Variants in ZDHHC11B observed in about 807,000 individuals in gnomAD.
ZDHHC11B encodes zDHHC palmitoyltransferase 11B (putative).
In ZDHHC11B, 17 loss-of-function variants were observed where a neutral mutation model predicts 42.3. The ratio of observed to expected loss-of-function variants is 0.40; its 90% CI spans 0.27 to 0.60. The LOEUF (loss-of-function observed/expected upper bound fraction) is 0.60. Among genes scored for constraint, ZDHHC11B ranks in the 20% least tolerant of loss-of-function variants. ZDHHC11B has a pLI of 0.41. For missense variants in ZDHHC11B, 262 were observed against 463.2 expected (o/e 0.57, Z 3.99); for synonymous variants, 123 against 193.5 (o/e 0.64, Z 3.02).
At chr5:724,980 G>A (rs537501907) in intron 12 of ZDHHC11B, among the ~76,000 whole-genome samples, 192 of 147,608 alleles carry the variant, frequency 1.3e-3, no homozygotes, top group African/African-American at 4.5e-3. Context: ...TGTTGCTGTT[G>A]GAGCAGCACC....
At chr5:758,772 C>A (rs1474256483) in intron 4 of ZDHHC11B, among the ~76,000 whole-genome samples, 1 of 151,896 alleles carries the variant, frequency 6.6e-6, no homozygotes, top group South Asian at 2.1e-4. Flanking sequence ...AAATCTTTCA[C>A]CGCACACTAG....
At position 751,140 on chromosome 5, in the gene ZDHHC11B, C is replaced by T. The variant is rs1488984498; in HGVS notation, c.621G>A (p.Arg207=). 1 of 1,286,776 alleles carries T rather than the reference C, an allele frequency of 7.8e-7. No individual in the cohort carries two copies. The highest frequency in any genetic ancestry group is 2.3e-4 in the Middle Eastern group (1 of 4,314). The allele number at this position is 1,286,776 out of a possible 1,614,324, so 79.7% of individuals were successfully genotyped here. A position where few individuals can be genotyped will look rare whatever the true frequency, so the allele number is the denominator to read the frequency against. ...AGAGCGGCGGCCACGTACCTTCATA[C>T]CTGGGGTCCGTGCGGAGCACCCTGG... The part of the protein sequence containing the change: ...VNPRVLRTDP[R]YEDVKNMNTW... Residue 207 remains arginine, a synonymous_variant, in exon 7 of 14, where the codon AGG becomes AGA. Coordinates refer to ENST00000508859, the MANE Select transcript of ZDHHC11B (RefSeq NM_001351303.2).
chr5:757,423 C>G lies in ZDHHC11B; in HGVS notation c.223-1279G>C, dbSNP rs117074764. Among the ~76,000 whole-genome samples, 6 of 152,066 alleles carry G rather than the reference C, an allele frequency of 3.9e-5. 1 individual carries two copies. Among genetic ancestry groups the G allele is most frequent in the Admixed American group, 3.3e-4 (5 of 15,268 alleles). On this transcript the variant is annotated intron_variant, in intron 4 of 13. Coordinates refer to ENST00000508859, the MANE Select transcript of ZDHHC11B (RefSeq NM_001351303.2). The stretch of plus-strand genomic sequence containing the variant: ...GCCAGGGGGCTGCTGTCCCTCCTGA[C>G]AGAGCCCCTCTCTGGAGCCCCCTCA...
chr5:751,829 G>T (rs1745812583), intron 6 of ZDHHC11B, among the ~76,000 whole-genome samples: 1 of 121,568 alleles, frequency 8.2e-6, no homozygotes. Flanking sequence ...AATTCAGGCA[G>T]TGCTTCTTGC....
chr5:751,696 C>A (rs1745784396), intron 6 of ZDHHC11B, among the ~76,000 whole-genome samples: 1 of 128,332 alleles, frequency 7.8e-6, no homozygotes, highest in African/African-American at 2.5e-5. Context: ...AAACCCTGCT[C>A]CCGACCATGC....
chr5:766,928 C>A lies in ZDHHC11B; in HGVS notation c.1-9G>T, dbSNP rs751353069. The A allele has an allele frequency of 1.2e-5, 19 of 1,610,622 alleles. No individual in the cohort carries two copies. The Admixed American group carries it at 1.3e-4, about 11-fold the overall frequency. ...CCGGAGCGGGTGTCCATCTGCAGGA[C>A]ACAGAAGGGGAGGACCTGCGCCATC... On this transcript the variant is annotated splice_polypyrimidine_tract_variant and intron_variant, in intron 3 of 13. Transcript: ENST00000508859.
At position 754,178 on chromosome 5, in the gene ZDHHC11B, ACATCTCT is replaced by A. The variant is rs1579365512; in HGVS notation, c.503+813_503+819del. On this transcript the variant is annotated intron_variant, in intron 6 of 13. Transcript: ENST00000508859. ...TGAGCCTCCACCATGCTCAGGGGAA[ACATCTCT>A]CGTCTATGAGCCTCCACCATGCTCA... Among the ~76,000 whole-genome samples the A allele has an allele frequency of 1.2e-4, 13 of 112,582 alleles. No individual in the cohort carries two copies. The East Asian group carries it at 4.7e-3, about 41-fold the overall frequency. The allele number at this position is 112,582 out of a possible 152,430, so 73.9% of individuals were successfully genotyped here.
chr5:767,553 A>G (rs1269577483), intron 2 of ZDHHC11B, 29 bp from the exon 3 acceptor site: 33 of 1,393,406 alleles, frequency 2.4e-5, no homozygotes, highest in African/African-American at 2.0e-4. Flanking sequence ...AGAGAGCATC[A>G]CTGGACTCAC....
intron 4 of ZDHHC11B, among the ~76,000 whole-genome samples, chr5:759,942 G>A (rs1579396581): frequency 1.3e-5 from 2 of 151,904 alleles, no homozygotes; most frequent in South Asian, 2.1e-4. Context: ...TCGCTGAGGT[G>A]CAGGCATGGG....
At position 717,950 on chromosome 5, in the gene ZDHHC11B, G is replaced by T. The variant is rs1354579793; in HGVS notation, c.1059-1085C>A. Among the ~76,000 whole-genome samples, 19 of 151,822 alleles carry T rather than the reference G, an allele frequency of 1.3e-4. 1 individual carries two copies. The highest frequency in any genetic ancestry group is 2.5e-4 in the Non-Finnish European group (17 of 67,994). On this transcript the variant is annotated intron_variant, in intron 12 of 13. Coordinates refer to ENST00000508859, the MANE Select transcript of ZDHHC11B (RefSeq NM_001351303.2). ...GTCTGCCACCAGATTATTGCAGGGG[G>T]AGCAGTAGTCTTGGTAGACACAGAG...
At chr5:717,018 T>A (rs1299257640) in intron 12 of ZDHHC11B, among the ~76,000 whole-genome samples, 153 bp from the exon 13 acceptor site, 2 of 151,884 alleles carry the variant, frequency 1.3e-5, no homozygotes, top group Non-Finnish European at 2.9e-5. Flanking sequence ...TTTCAGAGCC[T>A]TCATTTTTGT....
intron 6 of ZDHHC11B, among the ~76,000 whole-genome samples, chr5:753,110 C>A (rs57656793): frequency 2.5e-5 from 3 of 122,354 alleles, no homozygotes; most frequent in African/African-American, 5.5e-5. Flanking sequence ...AGGACACCAG[C>A]GCCGCCTGCC....
At chr5:754,504 GCA>G (rs1746313251) in intron 6 of ZDHHC11B, among the ~76,000 whole-genome samples, 6 of 108,474 alleles carry the variant, frequency 5.5e-5, no homozygotes, top group South Asian at 7.8e-4. Flanking sequence ...TCTCTTCCTT[GCA>G]TCTCCACCGT....
At chr5:773,435 C>T (rs1301399093) in intron 1 of ZDHHC11B, among the ~76,000 whole-genome samples, 1 of 151,876 alleles carries the variant, frequency 6.6e-6, no homozygotes, top group East Asian at 1.9e-4. Flanking sequence ...GACAAGCTCC[C>T]AGGCGTGTAC....
rs73730925 is a variant in ZDHHC11B at position 722,094 on chromosome 5, T to C, written c.1059-5229A>G. 2.1e-3 allele frequency among the ~76,000 whole-genome samples: 316 copies of C among 151,772 alleles called. 1 individual carries two copies. Among genetic ancestry groups the C allele is most frequent in the African/African-American group, 7.3e-3 (303 of 41,230 alleles). ...AAACATAAAGACTCGGCTCTCAAAATCAAAACTGAAAACCCTTAGTAGAAA... is the reference window on the plus strand; with the variant it reads ...AAACATAAAGACTCGGCTCTCAAAACCAAAACTGAAAACCCTTAGTAGAAA... On this transcript the variant is annotated intron_variant, in intron 12 of 13. Transcript: ENST00000508859.
chr5:752,050 C>T (rs1169517350), intron 6 of ZDHHC11B, among the ~76,000 whole-genome samples: 1 of 124,710 alleles, frequency 8.0e-6, no homozygotes, highest in Non-Finnish European at 1.8e-5. Flanking sequence ...AGACAGGCCT[C>T]CCTACCAGCC....
intron 10 of ZDHHC11B, among the ~76,000 whole-genome samples, chr5:736,301 GA>G (rs1260639603): frequency 6.7e-6 from 1 of 149,770 alleles, no homozygotes; most frequent in Non-Finnish European, 1.5e-5. Context: ...ACCTAACGAG[GA>G]ACCCCCCAAA....
Position 711,981 on chromosome 5 carries a change from T to A in ZDHHC11B, c.*309A>T, listed in dbSNP as rs1424797867. ...CTGGCTGGCTGGCTGGACAGCACAG[T>A]TAAGCAGGTGGCTGCATCCTCTGCA... On this transcript the variant is annotated 3_prime_UTR_variant, in exon 14 of 14. Coordinates refer to ENST00000508859, the MANE Select transcript of ZDHHC11B (RefSeq NM_001351303.2). 7.3e-6 allele frequency: 1 copy of A among 136,216 alleles called. No homozygotes were observed. Among genetic ancestry groups the A allele is most frequent in the Non-Finnish European group, 1.6e-5 (1 of 62,702 alleles). The allele number at this position is 136,216 out of a possible 1,614,324, so 8.4% of individuals were successfully genotyped here. A position where few individuals can be genotyped will look rare whatever the true frequency, so the allele number is the denominator to read the frequency against.
intron 4 of ZDHHC11B, among the ~76,000 whole-genome samples, chr5:759,740 C>G (rs1734344169): frequency 6.6e-6 from 1 of 151,818 alleles, no homozygotes; most frequent in Non-Finnish European, 1.5e-5. Flanking sequence ...TATTCCAATT[C>G]TTCCCCACTT....
Sources: gnomAD v4.1 joint callset for allele counts (sites outside exome capture counted in the v4.1 genomes callset) on GRCh38, gnomAD v4.1.1 for gene constraint, MANE v1.5 for transcripts, NCBI Gene and HGNC (gene_info 2026-07-23, HGNC 2026-07-21) for gene names.